Variants in C1QTNF3 observed in about 807,000 individuals in gnomAD.
The protein encoded by C1QTNF3 is C1q and TNF related 3.
C1QTNF3 carries 26 observed loss-of-function variants against 32.6 expected under a neutral mutation model. The ratio of observed to expected loss-of-function variants is 0.80; its 90% CI spans 0.58 to 1.11. The LOEUF (loss-of-function observed/expected upper bound fraction) is 1.11. C1QTNF3 is among the 50% of genes least tolerant of loss of function. The pLI, the probability that C1QTNF3 is intolerant of heterozygous loss-of-function variation, is 0.00. For synonymous variants in C1QTNF3, 155 were observed against 146.0 expected, an observed-to-expected ratio of 1.06 and a Z score of -0.44; for missense variants, 362 against 398.2, an observed-to-expected ratio of 0.91 and a Z score of 0.77.
chr5:34,033,596 T>G, intron 2 of C1QTNF3, 138 bp from the exon 3 acceptor site: 1 of 1,044,162 alleles, frequency 9.6e-7, no homozygotes, highest in Non-Finnish European at 1.4e-6. Context: ...GGTATCATCA[T>G]CTAAATAGGG....
chr5:34,216,710 T>G, the C1QTNF3 span, among the ~76,000 whole-genome samples: 1 of 152,228 alleles, frequency 6.6e-6, no homozygotes, highest in East Asian at 1.9e-4. Flanking sequence ...CAATATGTTT[T>G]GAAATTTGTG....
chr5:34,052,137 TA>T, the C1QTNF3 span, among the ~76,000 whole-genome samples: 35 of 151,538 alleles, frequency 2.3e-4, no homozygotes, highest in African/African-American at 8.0e-4. Context: ...GACCGCGTCT[TA>T]AAAAAAAATG....
chr5:34,124,483 C>A, the C1QTNF3 span: 4 of 715,486 alleles, frequency 5.6e-6, no homozygotes, highest in African/African-American at 1.7e-5. Context: ...CCAGGCCCGT[C>A]ACGATGAGAC....
the C1QTNF3 span, among the ~76,000 whole-genome samples, chr5:34,184,575 G>A: frequency 3.3e-5 from 5 of 152,344 alleles, no homozygotes; most frequent in African/African-American, 1.2e-4. Context: ...TTAGCCCAGC[G>A]TGGTGGCGGG....
chr5:34,175,715 C>T, the C1QTNF3 span: 2 of 649,054 alleles, frequency 3.1e-6, no homozygotes, highest in East Asian at 2.7e-5. Flanking sequence ...AAACCAGCTT[C>T]CCCCCTTTGT....
At chr5:34,214,614 T>C in the C1QTNF3 span, among the ~76,000 whole-genome samples, 2 of 152,126 alleles carry the variant, frequency 1.3e-5, no homozygotes, top group Non-Finnish European at 2.9e-5. Flanking sequence ...TACAGTAATT[T>C]ATAGGTAGTA....
At chr5:34,144,417 T>C in the C1QTNF3 span, among the ~76,000 whole-genome samples, 3 of 152,204 alleles carry the variant, frequency 2.0e-5, no homozygotes, top group Non-Finnish European at 2.9e-5. Flanking sequence ...AACTTGACAC[T>C]AGACCAAATG....
At chr5:34,059,553 G>A in the C1QTNF3 span, among the ~76,000 whole-genome samples, 6 of 152,120 alleles carry the variant, frequency 3.9e-5, no homozygotes, top group Non-Finnish European at 7.3e-5. Context: ...CCTTCACATG[G>A]CAATAGGGGC....
the C1QTNF3 span, among the ~76,000 whole-genome samples, chr5:34,088,772 A>G: frequency 6.6e-6 from 1 of 152,096 alleles, no homozygotes; most frequent in African/African-American, 2.4e-5. Flanking sequence ...TTGGCCTCCT[A>G]CAGTGCTGAG....
the C1QTNF3 span, among the ~76,000 whole-genome samples, chr5:34,113,243 C>A: frequency 6.7e-6 from 1 of 149,692 alleles, no homozygotes; most frequent in Non-Finnish European, 1.5e-5. Flanking sequence ...AGCAAGAATT[C>A]TAGAAGCAGG....
At chr5:34,224,853 G>C in the C1QTNF3 span, among the ~76,000 whole-genome samples, 32 of 152,238 alleles carry the variant, frequency 2.1e-4, no homozygotes, top group African/African-American at 6.0e-4. Context: ...ACTACCATCA[G>C]AGTGAACAGG....
chr5:34,176,428 A>AAGAT, the C1QTNF3 span, among the ~76,000 whole-genome samples: 1 of 150,132 alleles, frequency 6.7e-6, no homozygotes, highest in South Asian at 2.1e-4. Context: ...ACAAAAAAAA[A>AAGAT]AGCCAAGGAA....
chr5:34,228,138 G>A, the C1QTNF3 span, among the ~76,000 whole-genome samples: 8 of 151,994 alleles, frequency 5.3e-5, no homozygotes, highest in East Asian at 1.5e-3. Flanking sequence ...GTAGAAAGAT[G>A]GAATTCTGAA....
chr5:34,211,623 T>C, the C1QTNF3 span, among the ~76,000 whole-genome samples: 2 of 147,232 alleles, frequency 1.4e-5, no homozygotes, highest in African/African-American at 5.0e-5. Context: ...TTCCCACGTA[T>C]GAGTGAGAAC....
At chr5:34,144,701 T>G in the C1QTNF3 span, among the ~76,000 whole-genome samples, 3 of 152,134 alleles carry the variant, frequency 2.0e-5, no homozygotes, top group African/African-American at 7.2e-5. Flanking sequence ...ACATCAAAAT[T>G]AAGGCAGAAA....
the C1QTNF3 span, among the ~76,000 whole-genome samples, chr5:34,146,234 C>A: frequency 1.3e-5 from 2 of 152,300 alleles, no homozygotes; most frequent in East Asian, 3.9e-4. Context: ...GCATTACATG[C>A]TCATGGATAG....
chr5:34,049,052 CT>C, the C1QTNF3 span, among the ~76,000 whole-genome samples: 20,550 of 150,580 alleles, frequency 0.14, 1,522 homozygotes, highest in South Asian at 0.24. Context: ...TAAAAGCTTT[CT>C]TTTTTCTCCT....
At chr5:34,058,023 AAAG>A in the C1QTNF3 span, among the ~76,000 whole-genome samples, 11 of 152,202 alleles carry the variant, frequency 7.2e-5, no homozygotes, top group Non-Finnish European at 1.2e-4. Flanking sequence ...CCTTGACAGA[AAAG>A]AAGAAGTTTG....
At chr5:34,034,840 A>G (rs1754697024) in intron 2 of C1QTNF3, among the ~76,000 whole-genome samples, 1 of 152,202 alleles carries the variant, frequency 6.6e-6, no homozygotes, top group Non-Finnish European at 1.5e-5. Context: ...TTAAAGTTTA[A>G]CATAAGATTT....
Sources: allele counts gnomAD v4.1 joint callset (sites outside exome capture counted in the v4.1 genomes callset), GRCh38; gene constraint gnomAD v4.1.1; transcripts MANE v1.5; gene names NCBI Gene and HGNC (gene_info 2026-07-23, HGNC 2026-07-21).